PPM1E: variants seen among roughly 807,000 people sequenced by gnomAD.
The protein encoded by PPM1E is protein phosphatase, Mg2+/Mn2+ dependent 1E.
Under a neutral mutation model 65.9 loss-of-function variants are expected in PPM1E, and 20 were observed. The ratio of observed to expected loss-of-function variants is 0.30; its 90% CI spans 0.21 to 0.44. The LOEUF is 0.44. Ranked by LOEUF, PPM1E falls within the 20% of genes least tolerant of loss-of-function variation. PPM1E has a pLI of 1.00. For synonymous variants in PPM1E, 352 were observed against 374.9 expected, an observed-to-expected ratio of 0.94 and a Z score of 0.70; for missense variants, 713 against 953.1, an observed-to-expected ratio of 0.75 and a Z score of 3.32.
rs1200253225 is a variant in PPM1E at position 58,980,705 on chromosome 17, G to A, written c.1942G>A (p.Val648Ile). The change falls in exon 7 of 7, where the codon GTC becomes ATC. Residue 648 changes from valine (V) to isoleucine (I), a missense_variant. Physicochemically the swap from Val to Ile is conservative, Grantham distance 29 (BLOSUM62 3). Around this residue, in one of 6 missense-constraint regions of PPM1E, gnomAD observed 286 missense variants for 313.8 expected, o/e 0.91. Transcript: ENST00000308249. The surrounding 1 kb of genome is among the most constrained non-coding windows in gnomAD (Gnocchi z 4.7). ...ATACAGAATGCAGAGCTTGTCTCCT[G>A]TCTGTTCAGGGTTGGAAAATGAACA... Reference protein sequence around the residue: ...QIYRMQSLSPVCSGLENEQFK... With the variant: ...QIYRMQSLSPICSGLENEQFK... 1 of 1,614,212 alleles carries A rather than the reference G, an allele frequency of 6.2e-7. No individual in the cohort carries two copies. The highest frequency in any genetic ancestry group is 2.2e-5 in the East Asian group (1 of 44,884).
At chr17:58,764,605 T>G (rs1236580037) in intron 1 of PPM1E, among the ~76,000 whole-genome samples, 1 of 152,026 alleles carries the variant, frequency 6.6e-6, no homozygotes, top group African/African-American at 2.4e-5. Context: ...CTGGCTAGTT[T>G]CTTCTCTTTT....
chr17:58,969,876 G>A (rs952037500), intron 4 of PPM1E, 149 bp downstream of exon 4: 1 of 746,974 alleles, frequency 1.3e-6, no homozygotes, highest in African/African-American at 1.8e-5. Flanking sequence ...TTCTGTTGTA[G>A]TTCCAATTCC....
chr17:58,958,124 C>T (rs1352433116), intron 2 of PPM1E, among the ~76,000 whole-genome samples: 1 of 152,162 alleles, frequency 6.6e-6, no homozygotes. Context: ...GAGCGAGACC[C>T]TGTCTCAAAC....
At chr17:58,926,502 T>G (rs2051825470) in intron 1 of PPM1E, among the ~76,000 whole-genome samples, 1 of 152,134 alleles carries the variant, frequency 6.6e-6, no homozygotes, top group Non-Finnish European at 1.5e-5. Flanking sequence ...AATATGTGTG[T>G]GCGTGTGTGT....
At chr17:58,953,801 G>A (rs180925024) in intron 1 of PPM1E, among the ~76,000 whole-genome samples, 112 of 146,344 alleles carry the variant, frequency 7.7e-4, no homozygotes, top group Non-Finnish European at 1.1e-3. Context: ...AGGCTAGAGT[G>A]CAATGGCACG....
chr17:58,826,155 G>A (rs2050533980), intron 1 of PPM1E, among the ~76,000 whole-genome samples: 1 of 151,754 alleles, frequency 6.6e-6, no homozygotes, highest in South Asian at 2.1e-4. Flanking sequence ...TGGATGTGGT[G>A]GTGGGCAGCG....
chr17:58,773,434 TCAA>T lies in PPM1E; in HGVS notation c.464+16976_464+16978del, dbSNP rs1245967079. On this transcript the variant is annotated intron_variant, in intron 1 of 6. Transcript: ENST00000308249. ...TCCTTACAGTCTAAAGAGACAGGCTTCAACACTCGTTTCAAATGCTGTATCTTA... is the reference window on the plus strand; with the variant it reads ...TCCTTACAGTCTAAAGAGACAGGCTTCACTCGTTTCAAATGCTGTATCTTA... 2.0e-5 allele frequency among the ~76,000 whole-genome samples: 3 copies of T among 152,298 alleles called. No individual in the cohort carries two copies. The East Asian group carries it at 5.8e-4, about 29-fold the overall frequency.
At chr17:58,889,248 G>A (rs2051316778) in intron 1 of PPM1E, among the ~76,000 whole-genome samples, 1 of 152,106 alleles carries the variant, frequency 6.6e-6, no homozygotes, top group African/African-American at 2.4e-5. Flanking sequence ...TTTGTTCATT[G>A]GAATCACTTT....
At chr17:58,967,271 T>C (rs551988442) in intron 3 of PPM1E, among the ~76,000 whole-genome samples, 25 of 152,342 alleles carry the variant, frequency 1.6e-4, no homozygotes, top group African/African-American at 5.5e-4. Flanking sequence ...GCATGTGTTT[T>C]GTTTGACATA....
intron 1 of PPM1E, among the ~76,000 whole-genome samples, chr17:58,817,478 TG>T (rs1035411809): frequency 2.0e-5 from 3 of 152,198 alleles, no homozygotes; most frequent in Non-Finnish European, 4.4e-5. Flanking sequence ...TGTTATCATT[TG>T]GGGGTAATAA....
At chr17:58,955,611 C>A (rs995278756) in intron 1 of PPM1E, 38 bp from the exon 2 acceptor site, 2 of 1,606,388 alleles carry the variant, frequency 1.2e-6, no homozygotes, top group Middle Eastern at 3.3e-4. Flanking sequence ...CTTTCTAATT[C>A]TTTTGCTGAA....
chr17:58,756,034 C>A lies in PPM1E; in HGVS notation c.37C>A (p.Arg13Ser), dbSNP rs1567824192. 4 of 1,614,026 alleles carry A rather than the reference C, an allele frequency of 2.5e-6. No individual in the cohort carries two copies. Among genetic ancestry groups the A allele is most frequent in the Non-Finnish European group, 3.4e-6 (4 of 1,179,944 alleles). ...CATCCCTGAGGAGAAAACTTACCGG[C>A]GCTTCCTGGAGCTATTCCTGGGCGA... ...GCIPEEKTYR[R>S]FLELFLGEFR... Residue 13 changes from arginine (R) to serine (S), a missense_variant, in exon 1 of 7, where the codon CGC becomes AGC. Around this residue, in one of 6 missense-constraint regions of PPM1E, gnomAD observed 212 missense variants for 204.0 expected, o/e 1.04. Coordinates refer to ENST00000308249, the MANE Select transcript of PPM1E (RefSeq NM_014906.5).
intron 1 of PPM1E, among the ~76,000 whole-genome samples, chr17:58,904,473 A>T (rs1046289240): frequency 6.6e-6 from 1 of 152,172 alleles, no homozygotes; most frequent in Non-Finnish European, 1.5e-5. Flanking sequence ...AAGAATTTGA[A>T]AGTTCTTCTC....
chr17:58,857,505 G>A (rs2050895755), intron 1 of PPM1E, among the ~76,000 whole-genome samples: 1 of 151,982 alleles, frequency 6.6e-6, no homozygotes, highest in Non-Finnish European at 1.5e-5. Flanking sequence ...CTATCTGTAA[G>A]GTTAATAGGG....
intron 1 of PPM1E, chr17:58,899,724 GA>G: frequency 6.0e-6 from 1 of 166,132 alleles, no homozygotes; most frequent in Non-Finnish European, 1.3e-5. Context: ...GCTCCTCGAG[GA>G]AAAAAAAGAA....
intron 6 of PPM1E, among the ~76,000 whole-genome samples, chr17:58,976,068 G>A (rs1567897544): frequency 6.6e-6 from 1 of 152,200 alleles, no homozygotes; most frequent in Non-Finnish European, 1.5e-5. Context: ...GGCAAAAGCT[G>A]ATTCAGGAAA....
chr17:58,882,589 C>T (rs1251724372), intron 1 of PPM1E, among the ~76,000 whole-genome samples: 2 of 152,072 alleles, frequency 1.3e-5, no homozygotes, highest in Non-Finnish European at 2.9e-5. Context: ...CAGGGTTTCA[C>T]CATGTTGGCC....
chr17:58,914,915 T>A (rs568729930), intron 1 of PPM1E, among the ~76,000 whole-genome samples: 1 of 152,318 alleles, frequency 6.6e-6, no homozygotes, highest in South Asian at 2.1e-4. Flanking sequence ...CCAGGATTGT[T>A]ATTTTCATTT....
intron 1 of PPM1E, among the ~76,000 whole-genome samples, chr17:58,852,358 T>C (rs2050835487): frequency 6.6e-6 from 1 of 152,150 alleles, no homozygotes; most frequent in South Asian, 2.1e-4. Flanking sequence ...TGCTGGGAGC[T>C]GCAGACTGGA....
Sources: gnomAD v4.1 joint callset for allele counts (sites outside exome capture counted in the v4.1 genomes callset) on GRCh38, gnomAD v4.1.1 for gene constraint, gnomAD v4.1.1 regional missense constraint, Gnocchi (gnomAD v3.1) non-coding constraint, MANE v1.5 for transcripts, NCBI Gene and HGNC (gene_info 2026-07-23, HGNC 2026-07-21) for gene names.